Variants in RABGAP1L observed in about 807,000 individuals in gnomAD.
The protein encoded by RABGAP1L is rab GTPase-activating protein 1-like.
RABGAP1L carries 63 observed loss-of-function variants against 137.7 expected under a neutral mutation model. The observed-to-expected ratio is 0.46, with a 90% CI of 0.37 to 0.56. The LOEUF (loss-of-function observed/expected upper bound fraction) is 0.56. RABGAP1L is among the 20% of genes least tolerant of loss of function. RABGAP1L has a pLI of 0.00. For synonymous variants in RABGAP1L, 431 were observed against 433.7 expected (o/e 0.99, Z 0.08); for missense variants, 1,095 against 1,244.0 (o/e 0.88, Z 1.80).
At chr1:174,798,032 C>T (rs1262863859) in intron 18 of RABGAP1L, among the ~76,000 whole-genome samples, 2 of 151,880 alleles carry the variant, frequency 1.3e-5, no homozygotes, top group Non-Finnish European at 2.9e-5. Context: ...ACATTAGAGC[C>T]TGGAACTCCT....
At position 174,823,450 on chromosome 1, in the gene RABGAP1L, TA is replaced by T. The variant is rs773558549; in HGVS notation, c.2340+11491del. Among the ~76,000 whole-genome samples the T allele has an allele frequency of 7.2e-5, 11 of 152,306 alleles. No homozygotes were observed. In the South Asian group the frequency reaches 2.3e-3, roughly 32 times the overall value. ...TTATCACTTGAATTCATATTAACAT[TA>T]TGTTTAAAGTGTGCTTCATGATTTG... On this transcript the variant is annotated intron_variant, in intron 19 of 25. Transcript: ENST00000681986.
chr1:174,547,248 C>CTA (rs1427541144), intron 13 of RABGAP1L, among the ~76,000 whole-genome samples: 6 of 151,914 alleles, frequency 3.9e-5, no homozygotes, highest in African/African-American at 1.5e-4. Context: ...TTCCTGCTAC[C>CTA]ACCTGGCATT....
At chr1:174,783,259 G>T (rs567358183) in intron 18 of RABGAP1L, among the ~76,000 whole-genome samples, 2 of 152,132 alleles carry the variant, frequency 1.3e-5, no homozygotes, top group Admixed American at 1.3e-4. Context: ...AACACTAGTC[G>T]CTGGGTTCAA....
At chr1:174,295,955 T>C (rs908569644) in intron 10 of RABGAP1L, among the ~76,000 whole-genome samples, 5 of 152,198 alleles carry the variant, frequency 3.3e-5, no homozygotes, top group Non-Finnish European at 7.3e-5. Context: ...AAGCAGTAGA[T>C]GAAATCACCC....
intron 11 of RABGAP1L, among the ~76,000 whole-genome samples, chr1:174,348,319 C>T (rs1046774284): frequency 1.4e-5 from 2 of 138,864 alleles, no homozygotes; most frequent in African/African-American, 5.2e-5. Flanking sequence ...CTTTCAATAG[C>T]AAAAACTGTG....
intron 7 of RABGAP1L, among the ~76,000 whole-genome samples, chr1:174,268,620 T>C (rs973096125): frequency 9.2e-5 from 14 of 152,182 alleles, no homozygotes; most frequent in Admixed American, 2.6e-4. Context: ...TCCTAATGAT[T>C]TGATAGACTA....
chr1:174,165,637 A>G (rs879791499), intron 1 of RABGAP1L, among the ~76,000 whole-genome samples: 12 of 152,022 alleles, frequency 7.9e-5, no homozygotes, highest in Admixed American at 2.0e-4. Flanking sequence ...GGCTGGGACT[A>G]TATAGGCACA....
intron 14 of RABGAP1L, among the ~76,000 whole-genome samples, chr1:174,640,940 T>G (rs968967790): frequency 6.8e-6 from 1 of 146,950 alleles, no homozygotes; most frequent in African/African-American, 2.5e-5. Flanking sequence ...TTTTCTATAT[T>G]AAATATAATA....
At chr1:174,450,785 T>C (rs1257898018) in intron 13 of RABGAP1L, among the ~76,000 whole-genome samples, 1 of 152,210 alleles carries the variant, frequency 6.6e-6, no homozygotes, top group African/African-American at 2.4e-5. Flanking sequence ...TATTTTAAAA[T>C]TTATATCAAA....
At position 174,845,438 on chromosome 1, in the gene RABGAP1L, G is replaced by T. The variant is rs1371897625; in HGVS notation, c.2340+33478G>T. ...TTATTGAGAGTTTTTAGCATGAAGG[G>T]TTGTTGAATTTTGTCAAAGGCTTTT... On this transcript the variant is annotated intron_variant, in intron 19 of 25. Coordinates refer to ENST00000681986, the MANE Select transcript of RABGAP1L (RefSeq NM_001366446.1). Among the ~76,000 whole-genome samples, 67 of 41,054 alleles carry T rather than the reference G, an allele frequency of 1.6e-3. 1 individual carries two copies. The highest frequency in any genetic ancestry group is 4.3e-3 in the African/African-American group (65 of 15,030). 26.9% of individuals were successfully genotyped at this position (41,054 alleles called of 152,430 possible).
chr1:174,527,901 C>CTTTTTTTTTTTTTTT (rs57707616), intron 13 of RABGAP1L, among the ~76,000 whole-genome samples: 2 of 124,850 alleles, frequency 1.6e-5, no homozygotes, highest in Non-Finnish European at 1.6e-5. Flanking sequence ...ATATACTTGT[C>CTTTTTTTTTTTTTTT]TTTTTTTTTT....
At position 174,534,775 on chromosome 1, in the gene RABGAP1L, C is replaced by CAAAAAAAAAAAAAAAA. The variant is rs71117567; in HGVS notation, c.1711-102586_1711-102571dup. On this transcript the variant is annotated intron_variant, in intron 13 of 25. Coordinates refer to ENST00000681986, the MANE Select transcript of RABGAP1L (RefSeq NM_001366446.1). ...GGATGACAGAGCGAAACTCTGTCTC[C>CAAAAAAAAAAAAAAAA]AAAAAAAAAAAAAAAAAAAAAAAAA... Among the ~76,000 whole-genome samples, 131 of 71,614 alleles carry CAAAAAAAAAAAAAAAA rather than the reference C, an allele frequency of 1.8e-3. 5 individuals are homozygous for CAAAAAAAAAAAAAAAA. The highest frequency in any genetic ancestry group is 3.9e-3 in the East Asian group (5 of 1,298). The allele number at this position is 71,614 out of a possible 152,430, so 47.0% of individuals were successfully genotyped here.
chr1:174,885,885 T>A (rs1437638628), intron 19 of RABGAP1L, among the ~76,000 whole-genome samples: 1 of 151,730 alleles, frequency 6.6e-6, no homozygotes, highest in African/African-American at 2.4e-5. Flanking sequence ...GAGAATGGCG[T>A]GAACCTGGGA....
chr1:174,938,771 G>A (rs370531134), intron 19 of RABGAP1L, among the ~76,000 whole-genome samples: 5 of 152,208 alleles, frequency 3.3e-5, no homozygotes, highest in African/African-American at 1.2e-4. Flanking sequence ...ACTTTCAGCT[G>A]CCAGAGGTCT....
chr1:174,227,773 T>C (rs904958985), intron 3 of RABGAP1L, among the ~76,000 whole-genome samples: 1 of 152,190 alleles, frequency 6.6e-6, no homozygotes, highest in South Asian at 2.1e-4. Flanking sequence ...TAAGGATCTT[T>C]TGTTACCTTC....
chr1:174,648,860 C>T (rs1353586024), intron 14 of RABGAP1L, among the ~76,000 whole-genome samples: 1 of 152,082 alleles, frequency 6.6e-6, no homozygotes, highest in African/African-American at 2.4e-5. Flanking sequence ...TCTCTAAGAA[C>T]TTGTGTTATG....
chr1:174,873,710 C>T (rs556935774), intron 19 of RABGAP1L, among the ~76,000 whole-genome samples: 295 of 151,794 alleles, frequency 1.9e-3, no homozygotes, highest in South Asian at 4.2e-3. Flanking sequence ...GGGGTTTCAC[C>T]ATATTGGCCA....
Position 174,461,478 on chromosome 1 carries a change from T to A in RABGAP1L, c.1710+67333T>A, listed in dbSNP as rs552302111. 5.3e-5 allele frequency among the ~76,000 whole-genome samples: 8 copies of A among 152,364 alleles called. No homozygotes were observed. In the East Asian group the frequency reaches 1.2e-3, roughly 22 times the overall value. ...AGGTCTGTACTGTTTCTCTTCTTTA[T>A]GTCTTTTACATCTCTCTGGTTCCTC... On this transcript the variant is annotated intron_variant, in intron 13 of 25. Coordinates refer to ENST00000681986, the MANE Select transcript of RABGAP1L (RefSeq NM_001366446.1).
At chr1:174,272,606 A>G (rs1459436706) in intron 8 of RABGAP1L, 126 bp downstream of exon 8, 4 of 1,235,796 alleles carry the variant, frequency 3.2e-6, no homozygotes, top group South Asian at 2.7e-5. Flanking sequence ...TGATAGTAAT[A>G]ATTAAATTTG....
Sources: gnomAD v4.1 joint callset for allele counts (sites outside exome capture counted in the v4.1 genomes callset) on GRCh38, gnomAD v4.1.1 for gene constraint, MANE v1.5 for transcripts, NCBI Gene and HGNC (gene_info 2026-07-23, HGNC 2026-07-21) for gene names.